TBX1: variants seen among roughly 807,000 people sequenced by gnomAD.
TBX1 encodes T-box transcription factor 1.
A neutral mutation model predicts 40.8 loss-of-function variants in TBX1; 16 were observed. That is an observed-to-expected ratio of 0.39 (90% CI 0.27 to 0.60). The LOEUF (loss-of-function observed/expected upper bound fraction) is 0.60. Among genes scored for constraint, TBX1 ranks in the 20% least tolerant of loss-of-function variants. The pLI is 0.51. For synonymous variants in TBX1, 403 were observed against 336.8 expected (o/e 1.20, Z -2.15); for missense variants, 755 against 728.5 (o/e 1.04, Z -0.42).
downstream of TBX1, chr22:19,782,846 A>T: frequency 6.2e-7 from 1 of 1,613,460 alleles, no homozygotes; most frequent in Non-Finnish European, 8.5e-7. Context: ...TATTTGATAA[A>T]GGCCACAAAC....
At chr22:19,759,074 A>G (rs1851306104), upstream of TBX1, among the ~76,000 whole-genome samples, 1 of 152,058 alleles carries the variant, frequency 6.6e-6, no homozygotes, top group Non-Finnish European at 1.5e-5. Context: ...TCGCTGCTTC[A>G]TGGGTGCCCT....
rs1479996492 is a variant in TBX1 at position 19,766,795 on chromosome 22, T to G, written c.1443T>G (p.Ala481=). 2.6e-6 allele frequency: 4 copies of G among 1,510,906 alleles called. No individual in the cohort carries two copies. The highest frequency in any genetic ancestry group is 3.5e-6 in the Non-Finnish European group (4 of 1,143,848). 93.6% of individuals were successfully genotyped at this position (1,510,906 alleles called of 1,614,324 possible). Residue 481 remains alanine (A), a synonymous_variant, in exon 7 of 7, where the codon GCT becomes GCG. Coordinates refer to ENST00000649276, the MANE Select transcript of TBX1 (RefSeq NM_001379200.1). ...CGGCCGCCGCCGCCGCTGCCGCAGC[T>G]GCCGCGGCCGCCAACATGTACTCGT... ...AAAAAAAAAA[A]AAAANMYSSA...
At chr22:19,779,577 A>G (rs1237667199), downstream of TBX1, 1 of 1,440,192 alleles carries the variant, frequency 6.9e-7, no homozygotes, top group African/African-American at 1.4e-5. Flanking sequence ...CTCCCAGTTG[A>G]TAAATCAAAA....
chr22:19,764,013 C>A, intron 2 of TBX1, 142 bp from the exon 3 acceptor site: 1 of 883,536 alleles, frequency 1.1e-6, no homozygotes, highest in Non-Finnish European at 1.7e-6. Context: ...CTTGGAAAAG[C>A]TCCCAGCACA....
intron 1 of TBX1, 84 bp from the exon 2 acceptor site, chr22:19,763,157 G>A (rs530268859): frequency 2.2e-5 from 25 of 1,116,558 alleles, no homozygotes; most frequent in South Asian, 1.0e-4. Context: ...GGGAGGGGCC[G>A]AGCAGAGGGG....
At chr22:19,756,853 G>C (rs1936497164), upstream of TBX1, 1 of 152,846 alleles carries the variant, frequency 6.5e-6, no homozygotes, top group African/African-American at 2.4e-5. Flanking sequence ...CTCCCTCCGG[G>C]CTGCGGGAGG....
chr22:19,759,408 C>T (rs1233697150), upstream of TBX1: 1 of 1,239,728 alleles, frequency 8.1e-7, no homozygotes, highest in Non-Finnish European at 1.0e-6. Flanking sequence ...CCCCCGCCCC[C>T]GGACTCCGTG....
intron 8 of TBX1, among the ~76,000 whole-genome samples, chr22:19,777,058 T>C (rs1333444517): frequency 7.0e-6 from 1 of 142,502 alleles, no homozygotes; most frequent in East Asian, 2.1e-4. Context: ...AAAATTTTAA[T>C]TTAATATAAT....
chr22:19,781,353 T>G (rs1405355483), downstream of TBX1, among the ~76,000 whole-genome samples: 1 of 152,166 alleles, frequency 6.6e-6, no homozygotes, highest in Non-Finnish European at 1.5e-5. Flanking sequence ...AATAACTGGG[T>G]ACATACCACG....
In TBX1 at chr22:19,763,357, G is replaced by C. The variant is rs749373278; in HGVS notation, c.539+15G>C. ...AAGCGCTACCGGTGAGCGAGTGGTTGTAAGCGTGAGGGACCGGGAGGGCAC... is the reference window on the plus strand; with the variant it reads ...AAGCGCTACCGGTGAGCGAGTGGTTCTAAGCGTGAGGGACCGGGAGGGCAC... On this transcript the variant is annotated intron_variant, in intron 2 of 6. Coordinates refer to ENST00000649276, the MANE Select transcript of TBX1 (RefSeq NM_001379200.1). 6.2e-7 allele frequency: 1 copy of C among 1,613,438 alleles called. No individual in the cohort carries two copies. Among genetic ancestry groups the C allele is most frequent in the South Asian group, 1.1e-5 (1 of 91,054 alleles).
chr22:19,772,721 A>G (rs968393312), intron 8 of TBX1, among the ~76,000 whole-genome samples: 1 of 152,028 alleles, frequency 6.6e-6, no homozygotes, highest in Non-Finnish European at 1.5e-5. Flanking sequence ...TTCTTGTGAC[A>G]TCATCACAGA....
chr22:19,761,705 G>C (rs1364057639), intron 1 of TBX1, among the ~76,000 whole-genome samples: 1 of 152,244 alleles, frequency 6.6e-6, no homozygotes, highest in Non-Finnish European at 1.5e-5. Context: ...CTCTGGTTCA[G>C]TTCTGGAGTT....
In TBX1 at chr22:19,763,336, G is replaced by A. The variant is rs754818295; in HGVS notation, c.533G>A (p.Arg178His). Reference sequence around the variant, plus strand: ...GACTTCGTGCCGGTGGACGATAAGCGCTACCGGTGAGCGAGTGGTTGTAAG... The same window carrying A: ...GACTTCGTGCCGGTGGACGATAAGCACTACCGGTGAGCGAGTGGTTGTAAG... The part of the protein sequence containing the change: ...LMDFVPVDDK[R>H]YRYAFHSSSW... Residue 178 changes from arginine (R) to histidine (H), a missense_variant, in exon 2 of 7, where the codon CGC (arginine) becomes CAC (histidine). This residue lies in a region of TBX1 where 144 missense variants were observed against 238.0 expected (regional missense o/e 0.61). Coordinates refer to ENST00000649276, the MANE Select transcript of TBX1 (RefSeq NM_001379200.1). 4.3e-6 allele frequency: 7 copies of A among 1,613,934 alleles called. No homozygotes were observed. Among genetic ancestry groups the A allele is most frequent in the Non-Finnish European group, 4.2e-6 (5 of 1,179,926 alleles).
At position 19,767,206 on chromosome 22, in the gene TBX1, C is replaced by G. The variant is rs1011297124; in HGVS notation, c.*339C>G. 19 of 1,100,750 alleles carry G rather than the reference C, an allele frequency of 1.7e-5. No individual in the cohort carries two copies. The highest frequency in any genetic ancestry group is 6.7e-5 in the African/African-American group (4 of 60,124). The allele number at this position is 1,100,750 out of a possible 1,614,324, so 68.2% of individuals were successfully genotyped here. A position where few individuals can be genotyped will look rare whatever the true frequency, so the allele number is the denominator to read the frequency against. ...CCCCGAGACCGCGTCGCCCGCGGCC[C>G]GGCCGGCAGTTGCAGTGTAGACAGC... On this transcript the variant is annotated 3_prime_UTR_variant, in exon 7 of 7. Coordinates refer to ENST00000649276, the MANE Select transcript of TBX1 (RefSeq NM_001379200.1).
At chr22:19,760,074 C>A (rs549491149), upstream of TBX1, among the ~76,000 whole-genome samples, 1 of 151,514 alleles carries the variant, frequency 6.6e-6, no homozygotes, top group Non-Finnish European at 1.5e-5. Flanking sequence ...ACACAAAAAA[C>A]CCAAAGAAGA....
In TBX1 at chr22:19,766,840, C is replaced by G. The variant is rs754795532; in HGVS notation, c.1488C>G (p.Pro496=). Reference sequence around the variant, plus strand: ...ACTCGTCGGCCGGAGCCGCGCCGCCCGGCTCCTACGACTATTGCCCCAGAT... The same window carrying G: ...ACTCGTCGGCCGGAGCCGCGCCGCCGGGCTCCTACGACTATTGCCCCAGAT... ...NMYSSAGAAP[P]GSYDYCPR Residue 496 remains proline, a synonymous_variant, in exon 7 of 7, where the codon CCC becomes CCG. Transcript: ENST00000649276. 2 of 1,573,516 alleles carry G rather than the reference C, an allele frequency of 1.3e-6. No homozygotes were observed. Among genetic ancestry groups the G allele is most frequent in the Middle Eastern group, 1.8e-4 (1 of 5,424 alleles).
At chr22:19,772,090 T>A (rs1936998832), downstream of TBX1, among the ~76,000 whole-genome samples, 1 of 152,228 alleles carries the variant, frequency 6.6e-6, no homozygotes, top group Non-Finnish European at 1.5e-5. Context: ...CTAGCTTCAG[T>A]TCCTCTCAAC....
At chr22:19,762,243 G>C (rs985463800) in intron 1 of TBX1, among the ~76,000 whole-genome samples, 8 of 152,254 alleles carry the variant, frequency 5.3e-5, no homozygotes, top group Admixed American at 4.6e-4. Flanking sequence ...TCGGCGCTGG[G>C]CTTCACCCGG....
rs746812421 is a variant in TBX1, at chr22:19,766,566, C to A, written c.1214C>A (p.Pro405Gln). The change falls in exon 7 of 7, where the codon CCG (proline) becomes CAG (glutamine). Residue 405 changes from proline to glutamine, a missense_variant. Coordinates refer to ENST00000649276, the MANE Select transcript of TBX1 (RefSeq NM_001379200.1). ...GCGCCCGGAGGCCGGCCCAGTCCCC[C>A]GAACCCCGAGCTGCGCCTGGAGGCG... ...PGAPGGRPSP[P>Q]NPELRLEAPG... The A allele has an allele frequency of 1.6e-5, 23 of 1,442,416 alleles. No homozygotes were observed. The Admixed American group carries it at 5.4e-4, about 34-fold the overall frequency. 89.4% of individuals were successfully genotyped at this position (1,442,416 alleles called of 1,614,324 possible).
Sources: allele counts gnomAD v4.1 joint callset (sites outside exome capture counted in the v4.1 genomes callset), GRCh38; gene constraint gnomAD v4.1.1; regional missense constraint gnomAD v4.1.1; transcripts MANE v1.5; gene names NCBI Gene and HGNC (gene_info 2026-07-23, HGNC 2026-07-21).